The following AAMDC variants were observed in gnomAD, a reference collection of about 807,000 sequenced individuals.
AAMDC encodes mth938 domain-containing protein.
AAMDC carries 16 observed loss-of-function variants against 15.5 expected under a neutral mutation model. The observed-to-expected ratio is 1.03, with a 90% confidence interval of 0.70 to 1.57. The LOEUF (loss-of-function observed/expected upper bound fraction) is 1.57. AAMDC is among the 40% of genes most tolerant of loss of function. The pLI is 0.00. For synonymous variants in AAMDC, 51 were observed against 51.6 expected (o/e 0.99, Z 0.05); for missense variants, 141 against 144.9 (o/e 0.97, Z 0.14).
chr11:77,884,461 A>G (rs908891158), intron 5 of AAMDC, among the ~76,000 whole-genome samples: 4 of 152,208 alleles, frequency 2.6e-5, no homozygotes, highest in African/African-American at 9.7e-5. Context: ...AGGCTCATAA[A>G]CTGCAACAGA....
chr11:77,859,514 T>C (rs1950785460), intron 2 of AAMDC, among the ~76,000 whole-genome samples: 1 of 152,316 alleles, frequency 6.6e-6, no homozygotes, highest in East Asian at 1.9e-4. Context: ...AGTCTGTATA[T>C]ATATTTACCC....
At chr11:77,894,584 G>A (rs1336604793) in intron 5 of AAMDC, among the ~76,000 whole-genome samples, 1 of 152,196 alleles carries the variant, frequency 6.6e-6, no homozygotes, top group South Asian at 2.1e-4. Flanking sequence ...AAAAATCAAA[G>A]AGTATCACAG....
intron 2 of AAMDC, among the ~76,000 whole-genome samples, chr11:77,857,359 A>AT (rs1440682469): frequency 6.6e-6 from 1 of 152,210 alleles, no homozygotes; most frequent in Non-Finnish European, 1.5e-5. Flanking sequence ...CAGGAAAAAC[A>AT]TATGTCTAGA....
At chr11:77,859,752 C>T (rs1950796586) in intron 2 of AAMDC, among the ~76,000 whole-genome samples, 1 of 152,212 alleles carries the variant, frequency 6.6e-6, no homozygotes, top group African/African-American at 2.4e-5. Flanking sequence ...TAGGTTTGAG[C>T]AATTACTTGT....
At chr11:77,893,971 A>G (rs1274193588) in intron 5 of AAMDC, among the ~76,000 whole-genome samples, 1 of 151,802 alleles carries the variant, frequency 6.6e-6, no homozygotes, top group Non-Finnish European at 1.5e-5. Context: ...ATGACTAATG[A>G]TTTTTTTCAA....
At chr11:77,878,705 A>G (rs1281557600) in intron 5 of AAMDC, 1 of 693,642 alleles carries the variant, frequency 1.4e-6, no homozygotes, top group Non-Finnish European at 2.6e-6. Context: ...TTTACAGACC[A>G]GGAACTAGAA....
chr11:77,851,541 A>AT (rs1389162661), intron 2 of AAMDC: 4 of 152,052 alleles, frequency 2.6e-5, no homozygotes, highest in African/African-American at 7.2e-5. Context: ...TTGAAATGTA[A>AT]TCCCCAATGT....
intron 1 of AAMDC, among the ~76,000 whole-genome samples, chr11:77,841,488 A>G (rs7117813): frequency 0.24 from 36,671 of 152,016 alleles, 4,729 homozygotes; most frequent in East Asian, 0.4. Flanking sequence ...AGGCAGTAAG[A>G]CTTTCTCTCT....
chr11:77,857,758 G>A (rs748451638), intron 2 of AAMDC, among the ~76,000 whole-genome samples: 8 of 150,390 alleles, frequency 5.3e-5, no homozygotes, highest in African/African-American at 9.8e-5. Context: ...GGGCATTGGC[G>A]TAATCTTGGC....
At chr11:77,870,799 CACTT>C (rs1345051239) in intron 3 of AAMDC, among the ~76,000 whole-genome samples, 1 of 152,166 alleles carries the variant, frequency 6.6e-6, no homozygotes, top group Non-Finnish European at 1.5e-5. Flanking sequence ...AATATATACA[CACTT>C]ACACATATAG....
chr11:77,877,531 G>A lies in AAMDC; in HGVS notation c.328+482G>A, dbSNP rs1023829600. Among the ~76,000 whole-genome samples the A allele has an allele frequency of 4.6e-5, 7 of 152,200 alleles. No individual in the cohort carries two copies. In the South Asian group the frequency reaches 6.2e-4, roughly 14 times the overall value. On this transcript the variant is annotated intron_variant, in intron 5 of 5. Transcript: ENST00000304716. ...TGAGGAAACTGAGGCAGAGAGAGCT[G>A]AAGATTTGAAGGCTTTTTCCCATAT...
chr11:77,865,667 TTA>T (rs1951077599), intron 2 of AAMDC, among the ~76,000 whole-genome samples: 1 of 152,176 alleles, frequency 6.6e-6, no homozygotes, highest in Non-Finnish European at 1.5e-5. Flanking sequence ...TCATCTGCCA[TTA>T]TGAGATGGGA....
Position 77,838,829 on chromosome 11 carries a change from G to A in AAMDC, c.-18-3650G>A, listed in dbSNP as rs138904437. Among the ~76,000 whole-genome samples the A allele has an allele frequency of 3.7e-3, 569 of 151,976 alleles. 24 individuals are homozygous for A. In the East Asian group the frequency reaches 0.097, roughly 26 times the overall value. ...GACGGAGTTTCACCGTGTTAGCCAG[G>A]ATGGTCTCAATCTCCTGACCTCGTG... On this transcript the variant is annotated intron_variant, in intron 1 of 3. Transcript: ENST00000393427.
chr11:77,856,250 A>G (rs545757985), intron 2 of AAMDC, among the ~76,000 whole-genome samples: 4 of 152,308 alleles, frequency 2.6e-5, no homozygotes, highest in East Asian at 3.9e-4. Context: ...TAACCTTTAC[A>G]CTAGTTGCCA....
At chr11:77,865,145 T>G (rs768737556) in intron 2 of AAMDC, among the ~76,000 whole-genome samples, 1 of 152,214 alleles carries the variant, frequency 6.6e-6, no homozygotes, top group Non-Finnish European at 1.5e-5. Context: ...TCCCCAACAT[T>G]CATTCTACTG....
chr11:77,888,687 C>CTAA (rs1301883453), intron 5 of AAMDC, among the ~76,000 whole-genome samples: 3 of 151,870 alleles, frequency 2.0e-5, no homozygotes, highest in Non-Finnish European at 2.9e-5. Flanking sequence ...TGACAAAGGG[C>CTAA]TAATATCCAG....
At chr11:77,821,854 C>T (rs1458255770) in intron 1 of AAMDC, among the ~76,000 whole-genome samples, 1 of 152,086 alleles carries the variant, frequency 6.6e-6, no homozygotes, top group Non-Finnish European at 1.5e-5. Context: ...TGGATTCAGC[C>T]AGGCCTGAGT....
intron 3 of AAMDC, among the ~76,000 whole-genome samples, chr11:77,870,459 C>G (rs1039872830): frequency 1.3e-5 from 2 of 150,692 alleles, no homozygotes; most frequent in African/African-American, 4.9e-5. Flanking sequence ...GTCTCAGCCT[C>G]CCGAGTAGCT....
chr11:77,872,121 GA>G (rs1334370272), intron 3 of AAMDC, 53 bp from the exon 4 acceptor site: 2 of 1,569,302 alleles, frequency 1.3e-6, no homozygotes, highest in Non-Finnish European at 1.7e-6. Flanking sequence ...GGCAGTAAAG[GA>G]ACCCCTGGGG....
Sources: gnomAD v4.1 joint callset for allele counts (sites outside exome capture counted in the v4.1 genomes callset) on GRCh38, gnomAD v4.1.1 for gene constraint, MANE v1.5 for transcripts, NCBI Gene and HGNC (gene_info 2026-07-23, HGNC 2026-07-21) for gene names.